SENP7: variants seen among roughly 807,000 people sequenced by gnomAD.
The protein encoded by SENP7 is sentrin-specific protease 7.
In SENP7, 64 loss-of-function variants were observed where a neutral mutation model predicts 141.2. That is an observed-to-expected ratio of 0.45 (90% CI 0.37 to 0.56). The LOEUF is 0.56. SENP7 is among the 20% of genes least tolerant of loss of function. The pLI is 0.00. For synonymous variants in SENP7, 382 were observed against 426.4 expected (o/e 0.90, Z 1.28); for missense variants, 1,025 against 1,212.2 (o/e 0.85, Z 2.29).
At chr3:101,453,550 G>A (rs1312175542) in intron 4 of SENP7, among the ~76,000 whole-genome samples, 1 of 152,144 alleles carries the variant, frequency 6.6e-6, no homozygotes, top group Non-Finnish European at 1.5e-5. Context: ...AAAATGATGA[G>A]TTCATGTCCT....
intron 10 of SENP7, among the ~76,000 whole-genome samples, chr3:101,363,511 A>AT (rs1365261778): frequency 6.6e-6 from 1 of 152,174 alleles, no homozygotes; most frequent in Non-Finnish European, 1.5e-5. Context: ...AAGATATGTT[A>AT]TTTTCTTATA....
intron 3 of SENP7, among the ~76,000 whole-genome samples, chr3:101,483,275 C>A (rs879442018): frequency 6.6e-6 from 1 of 152,090 alleles, no homozygotes; most frequent in Non-Finnish European, 1.5e-5. Context: ...AAAAAAAGAA[C>A]AAGATCATGT....
chr3:101,390,951 T>C (rs1264533209), intron 6 of SENP7, among the ~76,000 whole-genome samples: 2 of 152,154 alleles, frequency 1.3e-5, no homozygotes. Context: ...AAAGGAACTT[T>C]AGAAACTGTA....
intron 11 of SENP7, among the ~76,000 whole-genome samples, chr3:101,356,987 T>G (rs894229948): frequency 1.3e-5 from 2 of 152,192 alleles, no homozygotes; most frequent in African/African-American, 4.8e-5. Context: ...CTTTTAATGC[T>G]TTTATTAACT....
chr3:101,357,096 G>A (rs1361602449), intron 11 of SENP7, among the ~76,000 whole-genome samples: 1 of 152,064 alleles, frequency 6.6e-6, no homozygotes, highest in East Asian at 1.9e-4. Flanking sequence ...CGCCTCCTGG[G>A]TTCAAGCAAT....
chr3:101,463,380 T>TATATATATATACACAC (rs1167769147), intron 3 of SENP7, among the ~76,000 whole-genome samples: 1 of 72,142 alleles, frequency 1.4e-5, no homozygotes, highest in Non-Finnish European at 2.6e-5. Context: ...TATATATATA[T>TATATATATATACACAC]ATATATATAT....
intron 2 of SENP7, among the ~76,000 whole-genome samples, chr3:101,499,752 G>A: frequency 6.6e-6 from 1 of 151,858 alleles, no homozygotes; most frequent in Non-Finnish European, 1.5e-5. Context: ...AACCAGGATG[G>A]TCTCGATCTC....
At chr3:101,435,634 C>A (rs372076234) in intron 4 of SENP7, among the ~76,000 whole-genome samples, 1 of 151,778 alleles carries the variant, frequency 6.6e-6, no homozygotes, top group African/African-American at 2.4e-5. Flanking sequence ...TTTCTGTATG[C>A]CAACAGCAAA....
At chr3:101,460,486 C>T (rs73865637) in intron 3 of SENP7, among the ~76,000 whole-genome samples, 3,622 of 151,968 alleles carry the variant, frequency 0.024, 148 homozygotes, top group African/African-American at 0.083. Context: ...ACAACTGAAC[C>T]GCCACATGCA....
Position 101,324,291 on chromosome 3 carries a change from T to C in SENP7, c.*1652A>G, listed in dbSNP as rs1182865584. ...ACCTCAATTTAATGAATTGGAAATA[T>C]GTTTAATATAAAACACTGATATCCT... On this transcript the variant is annotated 3_prime_UTR_variant, in exon 24 of 24. Coordinates refer to ENST00000394095, the MANE Select transcript of SENP7 (RefSeq NM_020654.5). 6.6e-6 allele frequency: 1 copy of C among 152,144 alleles called. No homozygotes were observed. Among genetic ancestry groups the C allele is most frequent in the Non-Finnish European group, 1.5e-5 (1 of 68,004 alleles). 9.4% of individuals were successfully genotyped at this position (152,144 alleles called of 1,614,324 possible).
At chr3:101,340,067 A>G in intron 16 of SENP7, 28 bp downstream of exon 16, 1 of 1,533,286 alleles carries the variant, frequency 6.5e-7, no homozygotes, top group Non-Finnish European at 8.7e-7. Context: ...TCTGTAAAAT[A>G]TGTAGGATCA....
chr3:101,374,076 A>C (rs924283550), intron 6 of SENP7, among the ~76,000 whole-genome samples: 2 of 152,230 alleles, frequency 1.3e-5, no homozygotes, highest in Non-Finnish European at 1.5e-5. Flanking sequence ...AAAATGTATT[A>C]AAATAGCGTG....
At chr3:101,419,562 C>G (rs2061726211) in intron 4 of SENP7, among the ~76,000 whole-genome samples, 1 of 151,980 alleles carries the variant, frequency 6.6e-6, no homozygotes, top group East Asian at 1.9e-4. Context: ...AGGGATATAG[C>G]AAATGAAAGT....
At chr3:101,449,654 C>T (rs1210414941) in intron 4 of SENP7, among the ~76,000 whole-genome samples, 2 of 152,134 alleles carry the variant, frequency 1.3e-5, no homozygotes, top group Non-Finnish European at 2.9e-5. Context: ...AAATCCTTTA[C>T]AGACAAGCAA....
In SENP7 at chr3:101,402,762, GA is replaced by G. The variant is rs920233175; in HGVS notation, c.483-3708del. On this transcript the variant is annotated intron_variant, in intron 5 of 23. Transcript: ENST00000394095. The stretch of plus-strand genomic sequence containing the variant: ...CACCATCTTTGAGAACTGCCACTCA[GA>G]AAAAAAATAAATAAAATTCCTTTCA... 1.1e-4 allele frequency among the ~76,000 whole-genome samples: 16 copies of G among 151,814 alleles called. No individual in the cohort carries two copies. In the East Asian group the frequency reaches 2.5e-3, roughly 24 times the overall value.
chr3:101,488,267 A>C (rs2064813430), intron 3 of SENP7, among the ~76,000 whole-genome samples: 1 of 151,900 alleles, frequency 6.6e-6, no homozygotes, highest in Non-Finnish European at 1.5e-5. Context: ...CCTGGACATT[A>C]TTTGGTGTCT....
chr3:101,343,909 G>A lies in SENP7; in HGVS notation c.1883C>T (p.Ser628Leu). Reference protein sequence around the residue: ...FIFLELHNPVSQREELKLKDI... With the variant: ...FIFLELHNPVLQREELKLKDI... ...TTTCAGCTTCAATTCTTCTCTTTGT[G>A]AAACAGGATTGTGTAGTTCAAGGAA... The change falls in exon 14 of 24, where the codon TCA (serine) becomes TTA (leucine). Residue 628 changes from serine (S) to leucine (L), a missense_variant. Ser to Leu is a moderately radical substitution (Grantham distance 145). Coordinates refer to ENST00000394095, the MANE Select transcript of SENP7 (RefSeq NM_020654.5). The A allele has an allele frequency of 6.2e-7, 1 of 1,610,204 alleles. No individual in the cohort carries two copies. The highest frequency in any genetic ancestry group is 1.1e-5 in the South Asian group (1 of 90,664).
intron 23 of SENP7, among the ~76,000 whole-genome samples, chr3:101,326,741 C>A (rs1486342424): frequency 6.6e-6 from 1 of 152,106 alleles, no homozygotes; most frequent in Non-Finnish European, 1.5e-5. Flanking sequence ...CAGATCTTTT[C>A]ATTTTAGAAA....
At chr3:101,425,107 C>G (rs1337811037) in intron 4 of SENP7, among the ~76,000 whole-genome samples, 1 of 152,170 alleles carries the variant, frequency 6.6e-6, no homozygotes, top group African/African-American at 2.4e-5. Context: ...ACCTCTTTTT[C>G]TTTATAAATT....
Sources: gnomAD v4.1 joint callset for allele counts (sites outside exome capture counted in the v4.1 genomes callset) on GRCh38, gnomAD v4.1.1 for gene constraint, MANE v1.5 for transcripts, NCBI Gene and HGNC (gene_info 2026-07-23, HGNC 2026-07-21) for gene names.